INTS12: variants seen among roughly 807,000 people sequenced by gnomAD.
INTS12 encodes the protein PHD finger protein 22.
INTS12 carries 13 observed loss-of-function variants against 41.6 expected under a neutral mutation model. That is an observed-to-expected ratio of 0.31 (90% CI 0.20 to 0.50). The LOEUF is 0.50. INTS12 is among the 20% of genes least tolerant of loss of function. The probability of loss-of-function intolerance (pLI) is 0.98; values close to 1 mark genes in which losing one functional copy is unlikely to be tolerated. For synonymous variants in INTS12, 199 were observed against 191.4 expected, an observed-to-expected ratio of 1.04 and a Z score of -0.33; for missense variants, 432 against 541.6, an observed-to-expected ratio of 0.80 and a Z score of 2.01.
intron 3 of INTS12, among the ~76,000 whole-genome samples, chr4:105,696,025 T>A (rs1047598089): frequency 2.0e-5 from 3 of 152,028 alleles, no homozygotes; most frequent in Non-Finnish European, 4.4e-5. Flanking sequence ...CTGATTTTTG[T>A]AGTTTCAGTA....
chr4:105,693,859 TAAATATTATCAATATACCCATTA>T (rs1349072048), intron 4 of INTS12, among the ~76,000 whole-genome samples: 1 of 151,416 alleles, frequency 6.6e-6, no homozygotes, highest in African/African-American at 2.4e-5. Flanking sequence ...CTTTAAGATA[TAAATATTATCAATATACCCATTA>T]GATTTGGCAA....
At chr4:105,693,140 T>TA (rs940666021) in intron 5 of INTS12, among the ~76,000 whole-genome samples, 159 bp downstream of exon 5, 1 of 152,220 alleles carries the variant, frequency 6.6e-6, no homozygotes, top group African/African-American at 2.4e-5. Flanking sequence ...GCTAAATTGT[T>TA]ATATGGGCAG....
rs1051887447 is a variant in INTS12, at chr4:105,708,339, C to T, written c.-172+299G>A. ...AAGATGAGAGACAATGAGGGAGCTA[C>T]GTAGAGAAGTCACTAAAACCCTCCG... On this transcript the variant is annotated intron_variant, in intron 1 of 7. Transcript: ENST00000340139. The T allele has an allele frequency of 1.2e-5, 12 of 985,436 alleles. No homozygotes were observed. In the African/African-American group the frequency reaches 2.1e-4, roughly 17 times the overall value. 61.0% of individuals were successfully genotyped at this position (985,436 alleles called of 1,614,324 possible).
chr4:105,707,139 G>A (rs929377392), intron 1 of INTS12, among the ~76,000 whole-genome samples: 1 of 151,944 alleles, frequency 6.6e-6, no homozygotes, highest in Non-Finnish European at 1.5e-5. Context: ...TGTCCAGGAA[G>A]CTCTTTACCT....
At position 105,682,663 on chromosome 4, in the gene INTS12, T is replaced by C. The variant is rs1731351746; in HGVS notation, c.*70A>G. 3 of 1,154,510 alleles carry C rather than the reference T, an allele frequency of 2.6e-6. No individual in the cohort carries two copies. Among genetic ancestry groups the C allele is most frequent in the Non-Finnish European group, 3.8e-6 (3 of 791,026 alleles). The allele number at this position is 1,154,510 out of a possible 1,614,324, so 71.5% of individuals were successfully genotyped here. On this transcript the variant is annotated 3_prime_UTR_variant, in exon 8 of 8. Coordinates refer to ENST00000340139, the MANE Select transcript of INTS12 (RefSeq NM_020395.4). ...AGACTTTTATTAAATTACAGTGTATTACAGATTATATCATAATAATAAGCC... is the reference window on the plus strand; with the variant it reads ...AGACTTTTATTAAATTACAGTGTATCACAGATTATATCATAATAATAAGCC...
intron 3 of INTS12, among the ~76,000 whole-genome samples, chr4:105,699,213 T>C (rs1207593209): frequency 6.6e-6 from 1 of 152,228 alleles, no homozygotes; most frequent in Non-Finnish European, 1.5e-5. Context: ...ATTATCATAA[T>C]TAAAATTAAT....
chr4:105,693,633 A>C (rs1731764483), intron 4 of INTS12, 147 bp from the exon 5 acceptor site: 1 of 562,682 alleles, frequency 1.8e-6, no homozygotes. Flanking sequence ...GTGCACATTA[A>C]AGATCTGTAG....
chr4:105,694,865 C>T lies in INTS12; in HGVS notation c.309+651G>A, dbSNP rs139324824. ...ATCTTTGGCACTGTTCAGGTGCATA[C>T]CACTCTATAAAGTTTATGTTTAGTC... is the stretch of plus-strand genomic sequence containing the variant. On this transcript the variant is annotated intron_variant, in intron 4 of 7. Coordinates refer to ENST00000340139, the MANE Select transcript of INTS12 (RefSeq NM_020395.4). Among the ~76,000 whole-genome samples the T allele has an allele frequency of 1.2e-3, 187 of 152,198 alleles. 2 individuals carry two copies. The highest frequency in any genetic ancestry group is 4.4e-3 in the African/African-American group (181 of 41,552).
Position 105,695,677 on chromosome 4 carries a change from T to A in INTS12, c.157-9A>T, listed in dbSNP as rs1444303722. On this transcript the variant is annotated splice_polypyrimidine_tract_variant and intron_variant, in intron 3 of 7. Transcript: ENST00000340139. ...TTGGGTGGCTCCACATCCTAAAAGATGAAAAAAGGTACCAGTAATTAAATA... is the reference window on the plus strand; with the variant it reads ...TTGGGTGGCTCCACATCCTAAAAGAAGAAAAAAGGTACCAGTAATTAAATA... 2 of 1,601,594 alleles carry A rather than the reference T, an allele frequency of 1.2e-6. No homozygotes were observed. The highest frequency in any genetic ancestry group is 1.7e-5 in the Admixed American group (1 of 57,548).
intron 7 of INTS12, among the ~76,000 whole-genome samples, chr4:105,684,890 A>C (rs998860520): frequency 4.6e-5 from 7 of 152,148 alleles, no homozygotes; most frequent in Non-Finnish European, 8.8e-5. Context: ...ACCAACACTT[A>C]GGAAGTACAA....
At chr4:105,695,489 T>C in intron 4 of INTS12, 27 bp downstream of exon 4, 1 of 1,562,048 alleles carries the variant, frequency 6.4e-7, no homozygotes, top group South Asian at 1.2e-5. Context: ...TTTACTTTCT[T>C]TTAACAAGAT....
Position 105,699,898 on chromosome 4 carries a change from A to G in INTS12, c.108T>C (p.Asp36=). 1 of 1,557,766 alleles carries G rather than the reference A, an allele frequency of 6.4e-7. No individual in the cohort carries two copies. Among genetic ancestry groups the G allele is most frequent in the Non-Finnish European group, 8.8e-7 (1 of 1,139,756 alleles). The part of the protein sequence containing the change: ...DSAEKLKALL[D]ESLARGIDSS... Reference sequence around the variant, plus strand: ...AATCAATGCCCCGAGCCAAAGATTCATCAAGCAGTGCTTTTAGCTTTTCAG... The same window carrying G: ...AATCAATGCCCCGAGCCAAAGATTCGTCAAGCAGTGCTTTTAGCTTTTCAG... The change falls in exon 3 of 8, where the codon GAT becomes GAC. Residue 36 remains aspartate (D), a synonymous_variant. Transcript: ENST00000340139.
At chr4:105,708,138 G>C in intron 1 of INTS12, 11 of 985,384 alleles carry the variant, frequency 1.1e-5, no homozygotes, top group Non-Finnish European at 1.2e-5. Context: ...CTTGGTTCTG[G>C]ATAACACTGA....
intron 3 of INTS12, among the ~76,000 whole-genome samples, chr4:105,696,382 C>CCAT (rs1009305570): frequency 6.6e-6 from 1 of 152,076 alleles, no homozygotes; most frequent in Non-Finnish European, 1.5e-5. Context: ...AATATGTCTC[C>CCAT]CATCATCATC....
Position 105,682,737 on chromosome 4 carries a change from T to C in INTS12, c.1385A>G (p.Lys462Arg), listed in dbSNP as rs1489363573. ...KKKAAQKKLK[K>R] ...ACAAAAACCTACTTGGCCACATTAC[T>C]TCTTGAGTTTCTTTTGGGCAGCTTT... Residue 462 changes from lysine to arginine, a missense_variant, in exon 8 of 8, where the codon AAG becomes AGG. This residue lies in a region of INTS12 where 258 missense variants were observed against 309.9 expected (regional missense o/e 0.83). Transcript: ENST00000340139. The C allele has an allele frequency of 1.2e-6, 2 of 1,612,814 alleles. No individual in the cohort carries two copies. Among genetic ancestry groups the C allele is most frequent in the Non-Finnish European group, 1.7e-6 (2 of 1,179,112 alleles).
chr4:105,688,786 A>T (rs927452290), intron 6 of INTS12, among the ~76,000 whole-genome samples: 2 of 152,218 alleles, frequency 1.3e-5, no homozygotes, highest in Admixed American at 1.3e-4. Context: ...AGCCCCAGGA[A>T]GTACTTCTGC....
intron 7 of INTS12, among the ~76,000 whole-genome samples, chr4:105,684,189 A>T (rs977599297): frequency 6.6e-6 from 1 of 152,174 alleles, no homozygotes; most frequent in Non-Finnish European, 1.5e-5. Context: ...TACCAATGCC[A>T]CTATATAAAT....
intron 4 of INTS12, among the ~76,000 whole-genome samples, chr4:105,694,170 C>G (rs758289565): frequency 3.3e-5 from 5 of 151,734 alleles, no homozygotes; most frequent in Non-Finnish European, 7.4e-5. Flanking sequence ...TAATCATTCC[C>G]CTATGATAAA....
Position 105,683,332 on chromosome 4 carries a change from T to G in INTS12, c.805-15A>C. On this transcript the variant is annotated splice_polypyrimidine_tract_variant and intron_variant, in intron 7 of 7. Transcript: ENST00000340139. Reference sequence around the variant, plus strand: ...ACTGTGGATGTCTAAAAAAATAAAGTAAATAATTACATTAGAGCCAAGTTT... The same window carrying G: ...ACTGTGGATGTCTAAAAAAATAAAGGAAATAATTACATTAGAGCCAAGTTT... 6.4e-7 allele frequency: 1 copy of G among 1,562,412 alleles called. No individual in the cohort carries two copies. The highest frequency in any genetic ancestry group is 8.7e-7 in the Non-Finnish European group (1 of 1,150,898).
Sources: gnomAD v4.1 joint callset for allele counts (sites outside exome capture counted in the v4.1 genomes callset) on GRCh38, gnomAD v4.1.1 for gene constraint, gnomAD v4.1.1 regional missense constraint, MANE v1.5 for transcripts, NCBI Gene and HGNC (gene_info 2026-07-23, HGNC 2026-07-21) for gene names.